CRIPT: variants seen among roughly 807,000 people sequenced by gnomAD.
CRIPT encodes the protein cysteine-rich PDZ-binding protein.
A neutral mutation model predicts 16.6 loss-of-function variants in CRIPT; 20 were observed. The ratio of observed to expected loss-of-function variants is 1.20; its 90% CI spans 0.85 to 1.75. The LOEUF is 1.75. Ranked by LOEUF, CRIPT falls within the 40% of genes most tolerant of loss-of-function variation. The probability of loss-of-function intolerance (pLI) is 0.00; values close to 1 mark genes in which losing one functional copy is unlikely to be tolerated. For synonymous variants in CRIPT, 42 were observed against 37.0 expected (o/e 1.14, Z -0.49); for missense variants, 133 against 115.3 (o/e 1.15, Z -0.70).
intron 3 of CRIPT, among the ~76,000 whole-genome samples, chr2:46,623,191 A>G (rs1389463684): frequency 6.6e-6 from 1 of 152,168 alleles, no homozygotes; most frequent in Non-Finnish European, 1.5e-5. Flanking sequence ...ATCATTTGGT[A>G]TTGAAACAAA....
intron 3 of CRIPT, among the ~76,000 whole-genome samples, chr2:46,620,532 T>C (rs1670776073): frequency 6.6e-6 from 1 of 151,960 alleles, no homozygotes; most frequent in African/African-American, 2.4e-5. Flanking sequence ...AAGTCTTACC[T>C]AGACACTTTT....
chr2:46,622,386 G>C (rs1413517838), intron 3 of CRIPT, among the ~76,000 whole-genome samples: 4 of 148,362 alleles, frequency 2.7e-5, no homozygotes, highest in African/African-American at 5.0e-5. Flanking sequence ...AAAAAAAAAA[G>C]ATTTCCAAGG....
At position 46,619,613 on chromosome 2, in the gene CRIPT, T is replaced by C; in HGVS notation, c.83-14T>C. The C allele has an allele frequency of 6.3e-7, 1 of 1,594,516 alleles. No homozygotes were observed. The highest frequency in any genetic ancestry group is 8.6e-7 in the Non-Finnish European group (1 of 1,165,838). ...TAGAAATAACCCACTAAAATATCTT[T>C]TATTCTGATACAGAAAGTGGTGGAA... On this transcript the variant is annotated splice_polypyrimidine_tract_variant and intron_variant, in intron 2 of 4. Coordinates refer to ENST00000238892, the MANE Select transcript of CRIPT (RefSeq NM_014171.6).
rs78733360 is a variant in CRIPT, at chr2:46,621,989, A to G, written c.138-1775A>G. On this transcript the variant is annotated intron_variant, in intron 3 of 4. Transcript: ENST00000238892. ...CTTGGGTACTCTCTTACTTTGGAAA[A>G]TGTACTACAGTATTGCTTGGAATCT... 6.1e-3 allele frequency among the ~76,000 whole-genome samples: 924 copies of G among 152,336 alleles called. 19 individuals are homozygous for G. Among genetic ancestry groups the G allele is most frequent in the Admixed American group, 9.3e-3 (142 of 15,304 alleles).
chr2:46,625,017 C>G lies in CRIPT; in HGVS notation c.*790C>G, dbSNP rs149746896. 24 of 149,058 alleles carry G rather than the reference C, an allele frequency of 1.6e-4. No homozygotes were observed. In the East Asian group the frequency reaches 2.9e-3, roughly 18 times the overall value. 9.2% of individuals were successfully genotyped at this position (149,058 alleles called of 1,614,324 possible). On this transcript the variant is annotated 3_prime_UTR_variant, in exon 5 of 5. Transcript: ENST00000238892. Reference sequence around the variant, plus strand: ...TTTTTTTTACCTCCTGTCTTGCCCCCTAAAAGAAATAAATAGAGCAAACAT... The same window carrying G: ...TTTTTTTTACCTCCTGTCTTGCCCCGTAAAAGAAATAAATAGAGCAAACAT...
chr2:46,622,331 C>G (rs563843859), intron 3 of CRIPT, among the ~76,000 whole-genome samples: 1 of 148,830 alleles, frequency 6.7e-6, no homozygotes, highest in Non-Finnish European at 1.5e-5. Context: ...GATTGCGCCA[C>G]TGCATTCCAG....
intron 3 of CRIPT, among the ~76,000 whole-genome samples, chr2:46,620,126 G>A (rs532157395): frequency 3.3e-5 from 5 of 152,240 alleles, no homozygotes; most frequent in Admixed American, 6.5e-5. Flanking sequence ...TTAAAAACAA[G>A]TGTTTGATAC....
rs1179937787 is a variant in CRIPT, at chr2:46,627,637, GT to G, written c.*3414del. ...TTTTTCTATTTTTAGTAGGAATGGG[GT>G]TTTACCATGTTGGCCAGGCTGGTCT... On this transcript the variant is annotated 3_prime_UTR_variant, in exon 5 of 5. Coordinates refer to ENST00000238892, the MANE Select transcript of CRIPT (RefSeq NM_014171.6). Among the ~76,000 whole-genome samples the G allele has an allele frequency of 6.6e-6, 1 of 151,922 alleles. No homozygotes were observed. The highest frequency in any genetic ancestry group is 1.9e-4 in the East Asian group (1 of 5,170).
Position 46,617,233 on chromosome 2 carries a change from G to A in CRIPT, c.-50G>A. On this transcript the variant is annotated 5_prime_UTR_variant, in exon 1 of 5. Transcript: ENST00000238892. ...CCAAGTTGTAGTGTTGTTGTTTTCAGCCTGCTGCTGCTGCTGCTGTTGCGG... is the reference window on the plus strand; with the variant it reads ...CCAAGTTGTAGTGTTGTTGTTTTCAACCTGCTGCTGCTGCTGCTGTTGCGG... The A allele has an allele frequency of 6.4e-7, 1 of 1,551,592 alleles. No homozygotes were observed. Among genetic ancestry groups the A allele is most frequent in the African/African-American group, 1.4e-5 (1 of 73,140 alleles).
rs1671013402 is a variant in CRIPT at position 46,629,191 on chromosome 2, CTT to C, written c.*4966_*4967del. Among the ~76,000 whole-genome samples, 1 of 152,162 alleles carries C rather than the reference CTT, an allele frequency of 6.6e-6. No individual in the cohort carries two copies. Among genetic ancestry groups the C allele is most frequent in the Non-Finnish European group, 1.5e-5 (1 of 68,024 alleles). On this transcript the variant is annotated 3_prime_UTR_variant, in exon 5 of 5. Coordinates refer to ENST00000238892, the MANE Select transcript of CRIPT (RefSeq NM_014171.6). ...TGGGTGTAAGGGTAGAGACTTAACT[CTT>C]TACATCCTTATGGCAGCCTTCGAAT... is the stretch of plus-strand genomic sequence containing the variant.
chr2:46,621,443 C>G (rs561701270), intron 3 of CRIPT, among the ~76,000 whole-genome samples: 22 of 152,308 alleles, frequency 1.4e-4, no homozygotes, highest in Non-Finnish European at 2.1e-4. Flanking sequence ...AGAAGTTTCC[C>G]TAATCAGCAT....
rs577907165 is a variant in CRIPT, at chr2:46,628,584, T to C, written c.*4357T>C. Among the ~76,000 whole-genome samples the C allele has an allele frequency of 6.6e-6, 1 of 152,352 alleles. No homozygotes were observed. Among genetic ancestry groups the C allele is most frequent in the Non-Finnish European group, 1.5e-5 (1 of 68,036 alleles). ...CTCTGATTTCTTTCAGCGTGTTTTG[T>C]AGTTCTTGTCCAGCTCACATTTTAT... On this transcript the variant is annotated 3_prime_UTR_variant, in exon 5 of 5. Transcript: ENST00000238892.
intron 3 of CRIPT, among the ~76,000 whole-genome samples, chr2:46,623,525 T>A (rs1417154241): frequency 6.6e-6 from 1 of 152,178 alleles, no homozygotes; most frequent in Non-Finnish European, 1.5e-5. Context: ...TATGAACACG[T>A]CAAGAATAAA....
rs749995232 is a variant in CRIPT at position 46,624,173 on chromosome 2, G to A, written c.252G>A (p.Ala84=). 25 of 1,579,828 alleles carry A rather than the reference G, an allele frequency of 1.6e-5. No individual in the cohort carries two copies. The highest frequency in any genetic ancestry group is 1.4e-4 in the Admixed American group (8 of 57,700). ...QGCAYKKGIC[A]MCGKKVLDTK... Reference sequence around the variant, plus strand: ...CTTCTTTTGTTTCAGGCATCTGTGCGATGTGTGGAAAAAAGGTTTTGGATA... The same window carrying A: ...CTTCTTTTGTTTCAGGCATCTGTGCAATGTGTGGAAAAAAGGTTTTGGATA... Residue 84 remains alanine (A), a synonymous_variant, in exon 5 of 5, where the codon GCG becomes GCA. Coordinates refer to ENST00000238892, the MANE Select transcript of CRIPT (RefSeq NM_014171.6).
rs549999131 is a variant in CRIPT at position 46,628,722 on chromosome 2, A to C, written c.*4495A>C. On this transcript the variant is annotated 3_prime_UTR_variant, in exon 5 of 5. Transcript: ENST00000238892. ...CCTCAGAACCATCTCCATATTCTCT[A>C]AATAATAATAATGATGGTCATAAAT... Among the ~76,000 whole-genome samples the C allele has an allele frequency of 6.6e-6, 1 of 152,296 alleles. No homozygotes were observed. Among genetic ancestry groups the C allele is most frequent in the African/African-American group, 2.4e-5 (1 of 41,564 alleles).
In CRIPT at chr2:46,628,531, G is replaced by T. The variant is rs1670997827; in HGVS notation, c.*4304G>T. On this transcript the variant is annotated 3_prime_UTR_variant, in exon 5 of 5. Transcript: ENST00000238892. Reference sequence around the variant, plus strand: ...ATTGATTCTTCTAGCTCATGAGCTTGGAATGTTTTTCCATTTGTTTGTGTC... The same window carrying T: ...ATTGATTCTTCTAGCTCATGAGCTTTGAATGTTTTTCCATTTGTTTGTGTC... 6.6e-6 allele frequency among the ~76,000 whole-genome samples: 1 copy of T among 152,182 alleles called. No individual in the cohort carries two copies. The highest frequency in any genetic ancestry group is 2.4e-5 in the African/African-American group (1 of 41,446).
chr2:46,623,782 G>T lies in CRIPT; in HGVS notation c.156G>T (p.Lys52Asn), dbSNP rs750649993. ...SKKARFDPYG[K>N]NKFSTCRICK... is the part of the protein sequence containing the mutation. ...TTTCTAGATTTGATCCATATGGAAA[G>T]AATAAGTTCTCCACTTGTAGAATTT... The change falls in exon 4 of 5, where the codon AAG (lysine) becomes AAT (asparagine). Residue 52 changes from lysine (K) to asparagine (N), a missense_variant. By Grantham distance (94) the Lys-to-Asn change is moderately conservative. Transcript: ENST00000238892. The T allele has an allele frequency of 1.2e-5, 20 of 1,605,906 alleles. No individual in the cohort carries two copies. Among genetic ancestry groups the T allele is most frequent in the Non-Finnish European group, 1.7e-5 (20 of 1,174,922 alleles).
At position 46,624,999 on chromosome 2, in the gene CRIPT, T is replaced by A. The variant is rs1670898274; in HGVS notation, c.*772T>A. 1 of 150,968 alleles carries A rather than the reference T, an allele frequency of 6.6e-6. No homozygotes were observed. The highest frequency in any genetic ancestry group is 2.1e-4 in the South Asian group (1 of 4,762). 9.4% of individuals were successfully genotyped at this position (150,968 alleles called of 1,614,324 possible). On this transcript the variant is annotated 3_prime_UTR_variant, in exon 5 of 5. Coordinates refer to ENST00000238892, the MANE Select transcript of CRIPT (RefSeq NM_014171.6). ...AACCAAACTTTTTTTTTTTTTTTTT[T>A]ACCTCCTGTCTTGCCCCCTAAAAGA...
Position 46,628,244 on chromosome 2 carries a change from G to T in CRIPT, c.*4017G>T, listed in dbSNP as rs970954978. ...TCCTGCCTCAGCCTCCCAAATAGCTGGGATTACAGGAGCCCGCCAACCATG... is the reference window on the plus strand; with the variant it reads ...TCCTGCCTCAGCCTCCCAAATAGCTTGGATTACAGGAGCCCGCCAACCATG... On this transcript the variant is annotated 3_prime_UTR_variant, in exon 5 of 5. Transcript: ENST00000238892. Among the ~76,000 whole-genome samples the T allele has an allele frequency of 4.0e-4, 60 of 151,578 alleles. No homozygotes were observed. Among genetic ancestry groups the T allele is most frequent in the African/African-American group, 1.4e-3 (59 of 41,184 alleles).
Sources: gnomAD v4.1 joint callset for allele counts (sites outside exome capture counted in the v4.1 genomes callset) on GRCh38, gnomAD v4.1.1 for gene constraint, MANE v1.5 for transcripts, NCBI Gene and HGNC (gene_info 2026-07-23, HGNC 2026-07-21) for gene names.